The following NPSR1 variants were observed in gnomAD, a reference collection of about 807,000 sequenced individuals.
NPSR1 encodes the protein neuropeptide S receptor.
A neutral mutation model predicts 46.9 loss-of-function variants in NPSR1; 48 were observed. That is an observed-to-expected ratio of 1.02 (90% CI 0.81 to 1.30). NPSR1 has a LOEUF of 1.30. Ranked by LOEUF, NPSR1 falls within the 50% of genes most tolerant of loss-of-function variation. The pLI is 0.00. For synonymous variants in NPSR1, 176 were observed against 168.1 expected (o/e 1.05, Z -0.36); for missense variants, 450 against 449.5 (o/e 1.00, Z -0.01).
chr7:34,790,602 A>G (rs751836872), intron 3 of NPSR1, among the ~76,000 whole-genome samples: 52 of 149,106 alleles, frequency 3.5e-4, no homozygotes, highest in Non-Finnish European at 6.7e-4. Flanking sequence ...CTGTTTGAAG[A>G]TGACCTGATC....
rs147646551 is a variant in NPSR1, at chr7:34,706,400, G to C, written c.280+21716G>C. On this transcript the variant is annotated intron_variant, in intron 2 of 8. Transcript: ENST00000360581. ...ATATGTTAGTAATTTTGGCCTTTCT[G>C]TCATCATTTAAATATCTTGGTCCTA... Among the ~76,000 whole-genome samples the C allele has an allele frequency of 5.3e-4, 80 of 152,076 alleles. 1 individual carries two copies. The East Asian group carries it at 0.012, about 22-fold the overall frequency.
chr7:34,777,010 T>C (rs1786993894), intron 2 of NPSR1, among the ~76,000 whole-genome samples: 1 of 152,144 alleles, frequency 6.6e-6, no homozygotes, highest in Non-Finnish European at 1.5e-5. Flanking sequence ...AGAGACCTCT[T>C]TTGGAGCTGT....
intron 8 of NPSR1, among the ~76,000 whole-genome samples, chr7:34,876,528 T>A (rs1158344324): frequency 2.6e-5 from 4 of 152,184 alleles, no homozygotes; most frequent in Admixed American, 2.0e-4. Flanking sequence ...GTCCTGCCCA[T>A]GTCACCCCCT....
At chr7:34,715,247 G>A (rs1783504065) in intron 2 of NPSR1, among the ~76,000 whole-genome samples, 1 of 152,182 alleles carries the variant, frequency 6.6e-6, no homozygotes, top group Non-Finnish European at 1.5e-5. Flanking sequence ...ATATGGAAAG[G>A]CTATGCTATC....
chr7:34,662,356 AAC>A (rs1209594485), intron 1 of NPSR1, among the ~76,000 whole-genome samples: 4 of 152,034 alleles, frequency 2.6e-5, no homozygotes, highest in African/African-American at 9.7e-5. Flanking sequence ...TAATTTTCTT[AAC>A]ACACTCTTCC....
chr7:34,749,077 G>C (rs967341037), intron 2 of NPSR1, among the ~76,000 whole-genome samples: 1 of 151,890 alleles, frequency 6.6e-6, no homozygotes, highest in Non-Finnish European at 1.5e-5. Flanking sequence ...GTGTGTGACA[G>C]GCGCCATGCC....
At chr7:34,779,940 C>T (rs1787158681) in intron 3 of NPSR1, 1 of 153,592 alleles carries the variant, frequency 6.5e-6, no homozygotes. Flanking sequence ...CTGTAGTCAT[C>T]AGAACGCTTG....
intron 6 of NPSR1, among the ~76,000 whole-genome samples, chr7:34,835,174 A>G (rs1322589951): frequency 6.6e-6 from 1 of 152,236 alleles, no homozygotes; most frequent in African/African-American, 2.4e-5. Context: ...TTCTGTTGCT[A>G]TAATGTGATA....
At chr7:34,717,531 A>T (rs189218215) in intron 2 of NPSR1, among the ~76,000 whole-genome samples, 1 of 152,308 alleles carries the variant, frequency 6.6e-6, no homozygotes, top group East Asian at 1.9e-4. Flanking sequence ...ATGGTGGAAG[A>T]CTTGGGCATT....
At chr7:34,804,480 T>C (rs913864183) in intron 3 of NPSR1, among the ~76,000 whole-genome samples, 2 of 152,014 alleles carry the variant, frequency 1.3e-5, no homozygotes, top group African/African-American at 2.4e-5. Context: ...TCAACATCCA[T>C]TTATAATAAA....
chr7:34,713,553 A>G (rs139182275), intron 2 of NPSR1, among the ~76,000 whole-genome samples: 33 of 152,296 alleles, frequency 2.2e-4, no homozygotes, highest in African/African-American at 7.9e-4. Flanking sequence ...GTCAGAAATG[A>G]AGGCCAAATC....
intron 4 of NPSR1, among the ~76,000 whole-genome samples, chr7:34,817,489 C>A (rs1013063901): frequency 3.5e-5 from 2 of 56,692 alleles, no homozygotes; most frequent in African/African-American, 1.5e-4. Flanking sequence ...ACCAAAGGTA[C>A]AAAGAGGAGT....
chr7:34,766,930 C>T (rs769496402), intron 2 of NPSR1, among the ~76,000 whole-genome samples: 1 of 152,062 alleles, frequency 6.6e-6, no homozygotes, highest in Admixed American at 6.6e-5. Flanking sequence ...ATTCCATTTA[C>T]GTAAGATTCT....
Position 34,827,441 on chromosome 7 carries a change from GT to G in NPSR1, c.520del (p.Ser174LeufsTer9). 1 of 1,614,112 alleles carries G rather than the reference GT, an allele frequency of 6.2e-7. No individual in the cohort carries two copies. On this transcript the variant is annotated frameshift_variant, in exon 5 of 9. Transcript: ENST00000360581. LOFTEE classifies it high-confidence loss of function. Reference protein sequence around the residue: ...RVLIVIAWSLSFLFSIPTLII... With the variant: ...RVLIVIAWSLXFLFSIPTLII... ...TCCTCATTGTGATCGCCTGGAGCCT[GT>G]CTTTTCTGTTCTCCATTCCCACCCT...
intron 2 of NPSR1, among the ~76,000 whole-genome samples, chr7:34,769,805 T>C (rs188317717): frequency 1.3e-5 from 2 of 152,318 alleles, no homozygotes; most frequent in Admixed American, 1.3e-4. Context: ...TACTTCGGCT[T>C]TTCTGAGTAT....
intron 3 of NPSR1, among the ~76,000 whole-genome samples, chr7:34,807,648 C>T (rs889615257): frequency 6.6e-6 from 1 of 151,986 alleles, no homozygotes; most frequent in Admixed American, 6.6e-5. Flanking sequence ...TAAAATTTTT[C>T]TCTTTTAAAC....
At chr7:34,670,038 C>T (rs1791969406) in intron 1 of NPSR1, among the ~76,000 whole-genome samples, 1 of 152,156 alleles carries the variant, frequency 6.6e-6, no homozygotes, top group Non-Finnish European at 1.5e-5. Flanking sequence ...GTGAAGATGT[C>T]AATTCTCCCC....
intron 8 of NPSR1, among the ~76,000 whole-genome samples, chr7:34,875,211 A>T (rs1472972573): frequency 3.3e-5 from 5 of 152,266 alleles, no homozygotes; most frequent in Non-Finnish European, 7.3e-5. Context: ...AAGTAATTAA[A>T]GGTCAAAGTG....
intron 2 of NPSR1, among the ~76,000 whole-genome samples, chr7:34,768,130 A>T (rs544380770): frequency 2.0e-5 from 3 of 152,136 alleles, no homozygotes; most frequent in Non-Finnish European, 2.9e-5. Flanking sequence ...TTATTTTGTC[A>T]TTTTAAAAAT....
Sources: gnomAD v4.1 joint callset for allele counts (sites outside exome capture counted in the v4.1 genomes callset) on GRCh38, gnomAD v4.1.1 for gene constraint, MANE v1.5 for transcripts, NCBI Gene and HGNC (gene_info 2026-07-23, HGNC 2026-07-21) for gene names.